The following NKAIN2 variants were observed in gnomAD, a reference collection of about 807,000 sequenced individuals.
The protein encoded by NKAIN2 is sodium/potassium-transporting ATPase subunit beta-1-interacting protein 2.
A neutral mutation model predicts 32.6 loss-of-function variants in NKAIN2; 14 were observed. The observed-to-expected ratio is 0.43, with a 90% CI of 0.28 to 0.67. The LOEUF is 0.67. Among genes scored for constraint, NKAIN2 ranks in the 30% least tolerant of loss-of-function variants. The pLI is 0.17. For synonymous variants in NKAIN2, 80 were observed against 87.2 expected (o/e 0.92, Z 0.46); for missense variants, 198 against 258.3 (o/e 0.77, Z 1.60).
At chr6:124,390,496 G>T (rs1773095503) in intron 3 of NKAIN2, among the ~76,000 whole-genome samples, 1 of 152,056 alleles carries the variant, frequency 6.6e-6, no homozygotes, top group African/African-American at 2.4e-5. Flanking sequence ...TTTTCCAAAG[G>T]AAGAAATACC....
chr6:124,453,322 A>AACACACACAC (rs766482280), intron 3 of NKAIN2, among the ~76,000 whole-genome samples: 1,239 of 63,858 alleles, frequency 0.019, 56 homozygotes, highest in African/African-American at 0.051. Flanking sequence ...CATGCATATA[A>AACACACACAC]ACACACACAC....
At chr6:124,089,155 C>T (rs952302451) in intron 1 of NKAIN2, among the ~76,000 whole-genome samples, 37 of 151,868 alleles carry the variant, frequency 2.4e-4, no homozygotes, top group African/African-American at 8.7e-4. Context: ...AGAGTATATT[C>T]CGTATATAAC....
intron 3 of NKAIN2, among the ~76,000 whole-genome samples, chr6:124,585,977 C>G (rs899322969): frequency 5.3e-5 from 8 of 152,146 alleles, no homozygotes; most frequent in African/African-American, 1.9e-4. Context: ...TCCATCGGTT[C>G]TATAGCTTTA....
At chr6:124,494,570 C>A (rs1777994717) in intron 3 of NKAIN2, among the ~76,000 whole-genome samples, 1 of 151,972 alleles carries the variant, frequency 6.6e-6, no homozygotes, top group South Asian at 2.1e-4. Context: ...ACAGCTAAAG[C>A]TTTGTAAATA....
chr6:124,679,020 G>T (rs1366340550), intron 4 of NKAIN2, among the ~76,000 whole-genome samples: 1 of 151,674 alleles, frequency 6.6e-6, no homozygotes, highest in East Asian at 1.9e-4. Flanking sequence ...AGTACCAAAG[G>T]TTCTCCGGAG....
At chr6:124,821,949 AC>A (rs1781412657) in intron 6 of NKAIN2, among the ~76,000 whole-genome samples, 1 of 151,868 alleles carries the variant, frequency 6.6e-6, no homozygotes, top group African/African-American at 2.4e-5. Flanking sequence ...GGTTTTCCTG[AC>A]CCCTTCAGTT....
rs10526889 is a variant in NKAIN2 at position 124,593,205 on chromosome 6, TTGTG to T, written c.274-64963_274-64960del. Among the ~76,000 whole-genome samples the T allele has an allele frequency of 2.2e-3, 335 of 149,986 alleles. 1 individual carries two copies. Among genetic ancestry groups the T allele is most frequent in the Non-Finnish European group, 3.6e-3 (245 of 67,270 alleles). On this transcript the variant is annotated intron_variant, in intron 3 of 6. Coordinates refer to ENST00000368417, the MANE Select transcript of NKAIN2 (RefSeq NM_001040214.3). ...CAGCCATTCAAAGGAGATGAGAGTT[TTGTG>T]TGTGTGTGTGTGTGTGTTTGTGTGC...
At chr6:123,933,465 A>G (rs1776358461) in intron 1 of NKAIN2, among the ~76,000 whole-genome samples, 1 of 152,192 alleles carries the variant, frequency 6.6e-6, no homozygotes, top group Admixed American at 6.5e-5. Flanking sequence ...ATCTCAACTG[A>G]TTTAACTTTT....
At chr6:123,991,523 A>T (rs953740848) in intron 1 of NKAIN2, among the ~76,000 whole-genome samples, 7 of 152,122 alleles carry the variant, frequency 4.6e-5, no homozygotes, top group Non-Finnish European at 7.3e-5. Context: ...AATACTTAGC[A>T]ATTTAGTAAA....
At chr6:124,044,567 A>C (rs1782032295) in intron 1 of NKAIN2, among the ~76,000 whole-genome samples, 1 of 151,990 alleles carries the variant, frequency 6.6e-6, no homozygotes, top group African/African-American at 2.4e-5. Flanking sequence ...ATAGCCATTC[A>C]TCTCATGGTT....
intron 3 of NKAIN2, among the ~76,000 whole-genome samples, chr6:124,584,562 A>G (rs1781639102): frequency 6.6e-6 from 1 of 151,210 alleles, no homozygotes; most frequent in Non-Finnish European, 1.5e-5. Context: ...TTGAGGCAGG[A>G]GAATCGCTTG....
At chr6:124,153,934 CT>C (rs57291995) in intron 1 of NKAIN2, among the ~76,000 whole-genome samples, 4 of 147,008 alleles carry the variant, frequency 2.7e-5, no homozygotes, top group Admixed American at 6.8e-5. Context: ...TTATCTATTC[CT>C]TTTTTTTTTG....
Position 123,840,242 on chromosome 6 carries a change from G to A in NKAIN2, c.54+35988G>A, listed in dbSNP as rs57611398. Among the ~76,000 whole-genome samples the A allele has an allele frequency of 6.6e-3, 1,005 of 151,876 alleles. 66 individuals are homozygous for A. In the East Asian group the frequency reaches 0.17, roughly 26 times the overall value. ...TACTTAGGCAAATTCTGTATTCTTC[G>A]TATATGATTATATAATGTTCTAAAA... On this transcript the variant is annotated intron_variant, in intron 1 of 6. Coordinates refer to ENST00000368417, the MANE Select transcript of NKAIN2 (RefSeq NM_001040214.3).
At chr6:123,850,471 A>C (rs1348184000) in intron 1 of NKAIN2, among the ~76,000 whole-genome samples, 1 of 152,030 alleles carries the variant, frequency 6.6e-6, no homozygotes, top group Non-Finnish European at 1.5e-5. Context: ...GTTAGAATTG[A>C]GGCAATGAGT....
intron 1 of NKAIN2, among the ~76,000 whole-genome samples, chr6:124,219,283 C>T (rs1258733728): frequency 7.8e-6 from 1 of 129,002 alleles, no homozygotes; most frequent in South Asian, 2.5e-4. Context: ...TTCTTTTTTT[C>T]TTTTTTTTTT....
intron 1 of NKAIN2, among the ~76,000 whole-genome samples, chr6:123,810,018 AAAT>A (rs1773390495): frequency 6.6e-6 from 1 of 152,184 alleles, no homozygotes; most frequent in African/African-American, 2.4e-5. Context: ...TAGTTTTATA[AAAT>A]AATAATGAAA....
chr6:123,840,973 A>G (rs1329923361), intron 1 of NKAIN2, among the ~76,000 whole-genome samples: 1 of 152,072 alleles, frequency 6.6e-6, no homozygotes, highest in Non-Finnish European at 1.5e-5. Flanking sequence ...TTTTCTTTCT[A>G]TTTCACAATT....
chr6:124,132,771 A>G (rs868323089), intron 1 of NKAIN2, among the ~76,000 whole-genome samples: 1 of 152,226 alleles, frequency 6.6e-6, no homozygotes. Context: ...AGGACTGGTC[A>G]CATCACAGGA....
intron 1 of NKAIN2, among the ~76,000 whole-genome samples, chr6:124,281,903 T>C (rs1289231148): frequency 2.0e-5 from 3 of 152,212 alleles, no homozygotes; most frequent in Non-Finnish European, 4.4e-5. Flanking sequence ...CTTAGGGATT[T>C]TAAAATCATC....
Sources: gnomAD v4.1 joint callset for allele counts (sites outside exome capture counted in the v4.1 genomes callset) on GRCh38, gnomAD v4.1.1 for gene constraint, MANE v1.5 for transcripts, NCBI Gene and HGNC (gene_info 2026-07-23, HGNC 2026-07-21) for gene names.